The following RGS5 variants were observed in gnomAD, a reference collection of about 807,000 sequenced individuals.
RGS5 encodes regulator of G protein signaling 5.
In RGS5, 20 loss-of-function variants were observed where a neutral mutation model predicts 18.9. That is an observed-to-expected ratio of 1.06 (90% CI 0.74 to 1.54). The LOEUF is 1.54. Ranked by LOEUF, RGS5 falls within the 40% of genes most tolerant of loss-of-function variation. RGS5 has a pLI of 0.00. For synonymous variants in RGS5, 57 were observed against 76.2 expected, an observed-to-expected ratio of 0.75 and a Z score of 1.31; for missense variants, 201 against 211.8, an observed-to-expected ratio of 0.95 and a Z score of 0.32.
chr1:163,204,868 A>C (rs954815948), upstream of RGS5, among the ~76,000 whole-genome samples: 2 of 152,178 alleles, frequency 1.3e-5, no homozygotes, highest in Non-Finnish European at 2.9e-5. Context: ...ATATGAAAAG[A>C]AAAACCCCAA....
intron 2 of RGS5, among the ~76,000 whole-genome samples, chr1:163,292,035 G>A (rs1649300698): frequency 6.6e-6 from 1 of 151,910 alleles, no homozygotes; most frequent in Non-Finnish European, 1.5e-5. Context: ...TAAGTTCAGG[G>A]GTACATATGA....
At chr1:163,187,949 A>G (rs532014897) in intron 1 of RGS5, among the ~76,000 whole-genome samples, 1 of 152,134 alleles carries the variant, frequency 6.6e-6, no homozygotes, top group East Asian at 1.9e-4. Context: ...CTCTGCATAG[A>G]TAGTGCCGGA....
At chr1:163,242,885 T>A (rs930539071) in intron 2 of RGS5, among the ~76,000 whole-genome samples, 1 of 152,188 alleles carries the variant, frequency 6.6e-6, no homozygotes, top group Non-Finnish European at 1.5e-5. Flanking sequence ...TGCAAAGCAG[T>A]ATTCGTTAGA....
intron 1 of RGS5, among the ~76,000 whole-genome samples, chr1:163,193,687 A>G (rs1202640612): frequency 1.3e-5 from 2 of 152,262 alleles, no homozygotes; most frequent in African/African-American, 4.8e-5. Context: ...CCTGACATGG[A>G]TTTATGCAGT....
intron 2 of RGS5, among the ~76,000 whole-genome samples, chr1:163,167,288 G>A (rs1287530223): frequency 6.6e-6 from 1 of 152,184 alleles, no homozygotes; most frequent in Non-Finnish European, 1.5e-5. Context: ...TATCCTCAAA[G>A]CTCTAAGATA....
At position 163,208,518 on chromosome 1, in the gene RGS5, T is replaced by TAAAAA. The variant is rs55700806; in HGVS notation, c.69+9003_69+9007dup. On this transcript the variant is annotated intron_variant, in intron 1 of 5. Transcript: ENST00000367903. ...CAACAGAACAAGACTCCACCTCCAT[T>TAAAAA]AAAAAAAAAAAAAAAAAAAAAAAAA... is the stretch of plus-strand genomic sequence containing the variant. 3.5e-3 allele frequency among the ~76,000 whole-genome samples: 50 copies of TAAAAA among 14,456 alleles called. 14 individuals are homozygous for TAAAAA. The highest frequency in any genetic ancestry group is 0.025 in the East Asian group (6 of 236). 9.5% of individuals were successfully genotyped at this position (14,456 alleles called of 152,430 possible).
intron 1 of RGS5, among the ~76,000 whole-genome samples, chr1:163,214,041 C>T (rs146527881): frequency 9.1e-4 from 138 of 152,144 alleles, no homozygotes; most frequent in African/African-American, 3.2e-3. Flanking sequence ...ACTTTCTCAC[C>T]AGTCTTCAAA....
chr1:163,199,492 T>C (rs1659693069), intron 1 of RGS5, among the ~76,000 whole-genome samples: 1 of 152,200 alleles, frequency 6.6e-6, no homozygotes, highest in Admixed American at 6.5e-5. Flanking sequence ...TCTTACTTTA[T>C]GCGGCAGATT....
In RGS5 at chr1:163,243,371, G is replaced by C. The variant is rs188288744; in HGVS notation, c.-281+62862C>G. ...GGCTTAAAACCTAGATGACAGGCCG[G>C]GCGCGGTGGCTCACATCTGTAATCC... On this transcript the variant is annotated intron_variant, in intron 2 of 5. Transcript: ENST00000618415. 2.0e-5 allele frequency among the ~76,000 whole-genome samples: 3 copies of C among 152,158 alleles called. No homozygotes were observed. The East Asian group carries it at 5.8e-4, about 29-fold the overall frequency.
chr1:163,263,528 A>G (rs999528057), intron 2 of RGS5, among the ~76,000 whole-genome samples: 1 of 152,142 alleles, frequency 6.6e-6, no homozygotes, highest in South Asian at 2.1e-4. Context: ...AGGAGCCCCA[A>G]CAACTCCCAA....
At chr1:163,287,698 C>T (rs1649179072) in intron 2 of RGS5, among the ~76,000 whole-genome samples, 1 of 152,166 alleles carries the variant, frequency 6.6e-6, no homozygotes, top group African/African-American at 2.4e-5. Flanking sequence ...AATATGACTC[C>T]TCCAATACTA....
intron 1 of RGS5, among the ~76,000 whole-genome samples, chr1:163,200,245 A>G (rs1027217193): frequency 6.6e-6 from 1 of 152,176 alleles, no homozygotes; most frequent in Non-Finnish European, 1.5e-5. Flanking sequence ...AAATAATGAT[A>G]TGCTATTCAG....
At chr1:163,232,203 C>CTAAG (rs1377283341) in intron 2 of RGS5, among the ~76,000 whole-genome samples, 1 of 152,088 alleles carries the variant, frequency 6.6e-6, no homozygotes, top group Non-Finnish European at 1.5e-5. Context: ...TGCTAGAAGG[C>CTAAG]TAAGGGATGA....
intron 1 of RGS5, among the ~76,000 whole-genome samples, chr1:163,188,275 T>C (rs1659178981): frequency 1.3e-5 from 2 of 152,162 alleles, no homozygotes; most frequent in Non-Finnish European, 2.9e-5. Context: ...TTATCTTTAA[T>C]AGCTAAATTC....
intron 2 of RGS5, among the ~76,000 whole-genome samples, chr1:163,227,607 C>T (rs1647368459): frequency 6.6e-6 from 1 of 151,294 alleles, no homozygotes; most frequent in Admixed American, 6.6e-5. Context: ...ATCTCATGTC[C>T]TCACATTTCA....
intron 1 of RGS5, among the ~76,000 whole-genome samples, chr1:163,315,236 C>G (rs1649989294): frequency 6.6e-6 from 1 of 152,024 alleles, no homozygotes; most frequent in South Asian, 2.1e-4. Context: ...TATTGTAATA[C>G]TAATATTGAA....
In RGS5 at chr1:163,168,372, A is replaced by G. The variant is rs1046562608; in HGVS notation, c.45-4T>C. ...CTTGATCTTAATCTCCTTGGCCCTG[A>G]AAGAAGAGACACAAGGGGAAATGAG... On this transcript the variant is annotated splice_region_variant and splice_polypyrimidine_tract_variant and intron_variant, in intron 1 of 4. Transcript: ENST00000313961. 2 of 1,608,292 alleles carry G rather than the reference A, an allele frequency of 1.2e-6. No homozygotes were observed. The highest frequency in any genetic ancestry group is 1.7e-5 in the Admixed American group (1 of 59,968).
At chr1:163,234,365 G>T (rs1647565465) in intron 2 of RGS5, among the ~76,000 whole-genome samples, 1 of 151,850 alleles carries the variant, frequency 6.6e-6, no homozygotes, top group South Asian at 2.1e-4. Flanking sequence ...GTACCACTTG[G>T]TACTGAAATA....
chr1:163,270,683 T>C (rs1648697450), intron 2 of RGS5, among the ~76,000 whole-genome samples: 1 of 152,156 alleles, frequency 6.6e-6, no homozygotes, highest in African/African-American at 2.4e-5. Flanking sequence ...ATTTTTTTAA[T>C]TCTAAAGTTT....
Sources: allele counts gnomAD v4.1 joint callset (sites outside exome capture counted in the v4.1 genomes callset), GRCh38; gene constraint gnomAD v4.1.1; transcripts MANE v1.5; gene names NCBI Gene and HGNC (gene_info 2026-07-23, HGNC 2026-07-21).